Variants in STK10 observed in about 807,000 individuals in gnomAD.
STK10 encodes the protein serine/threonine kinase 10, also known as serine/threonine-protein kinase 10.
Under a neutral mutation model 113.8 loss-of-function variants are expected in STK10, and 78 were observed. The observed-to-expected ratio is 0.69, with a 90% CI of 0.57 to 0.83. STK10 has a LOEUF of 0.83. Ranked by LOEUF, STK10 falls within the 40% of genes least tolerant of loss-of-function variation. The pLI is 0.00. For missense variants in STK10, 1,109 were observed against 1,280.1 expected, an observed-to-expected ratio of 0.87 and a Z score of 2.04; for synonymous variants, 465 against 494.7, an observed-to-expected ratio of 0.94 and a Z score of 0.80.
chr5:172,140,749 G>A (rs1769956097), intron 2 of STK10, among the ~76,000 whole-genome samples: 1 of 151,954 alleles, frequency 6.6e-6, no homozygotes, highest in Non-Finnish European at 1.5e-5. Flanking sequence ...ATATGATCCA[G>A]CAATCCCACT....
intron 8 of STK10, among the ~76,000 whole-genome samples, chr5:172,094,674 G>A (rs1388871672): frequency 6.6e-5 from 10 of 152,058 alleles, no homozygotes; most frequent in African/African-American, 1.4e-4. Flanking sequence ...GTGTGCCACC[G>A]CACCCAGCCA....
chr5:172,143,449 G>A (rs919654555), intron 2 of STK10, among the ~76,000 whole-genome samples: 1 of 152,298 alleles, frequency 6.6e-6, no homozygotes, highest in South Asian at 2.1e-4. Context: ...TGACCACACC[G>A]TGCTCTGGGC....
intron 12 of STK10, among the ~76,000 whole-genome samples, chr5:172,079,473 A>G (rs1016714189): frequency 3.9e-5 from 6 of 152,180 alleles, no homozygotes; most frequent in Non-Finnish European, 7.4e-5. Flanking sequence ...TATTTGTTCA[A>G]TATTGGACTT....
Position 172,082,324 on chromosome 5 carries a change from A to C in STK10, c.1989+2T>G, listed in dbSNP as rs774084542. 4 of 1,542,046 alleles carry C rather than the reference A, an allele frequency of 2.6e-6. No individual in the cohort carries two copies. Among genetic ancestry groups the C allele is most frequent in the South Asian group, 1.2e-5 (1 of 81,286 alleles). On this transcript the variant is annotated splice_donor_variant, in intron 12 of 18. Coordinates refer to ENST00000176763, the MANE Select transcript of STK10 (RefSeq NM_005990.4). LOFTEE classifies it high-confidence loss of function. The surrounding 1 kb of genome is among the most constrained non-coding windows in gnomAD (Gnocchi z 4.3). The stretch of plus-strand genomic sequence containing the variant: ...CCCTGCCCCCACTGAGCACATACTC[A>C]CCTCTTTCTTCATCAGTTTGAGCTG...
Position 172,103,811 on chromosome 5 carries a change from T to C in STK10, c.870+1845A>G, listed in dbSNP as rs35498457. Among the ~76,000 whole-genome samples the C allele has an allele frequency of 6.4e-3, 969 of 152,322 alleles. 5 individuals are homozygous for C. Among genetic ancestry groups the C allele is most frequent in the Non-Finnish European group, 0.011 (768 of 68,022 alleles). On this transcript the variant is annotated intron_variant, in intron 7 of 18. Coordinates refer to ENST00000176763, the MANE Select transcript of STK10 (RefSeq NM_005990.4). ...TCAAGCATTCCTGGAGCACTGTGCT[T>C]AAGAGTTAAGCTAAGCGCTTCATAG...
chr5:172,067,422 C>T (rs1768093947), intron 12 of STK10, among the ~76,000 whole-genome samples: 1 of 150,154 alleles, frequency 6.7e-6, no homozygotes, highest in Non-Finnish European at 1.5e-5. Flanking sequence ...GAATAAAATG[C>T]CAAGGAAACA....
At chr5:172,079,647 C>T (rs143195348) in intron 12 of STK10, among the ~76,000 whole-genome samples, 2,088 of 152,116 alleles carry the variant, frequency 0.014, 46 homozygotes, top group African/African-American at 0.047. Context: ...CTGCAACCTC[C>T]GTCTCCTGGG....
intron 2 of STK10, among the ~76,000 whole-genome samples, chr5:172,134,127 G>T (rs987339698): frequency 3.9e-5 from 6 of 152,316 alleles, no homozygotes; most frequent in Non-Finnish European, 8.8e-5. Context: ...TGGACCCTGG[G>T]ACCACATCTG....
intron 10 of STK10, among the ~76,000 whole-genome samples, chr5:172,085,865 T>C (rs554091883): frequency 6.6e-6 from 1 of 152,232 alleles, no homozygotes; most frequent in South Asian, 2.1e-4. Context: ...GGCACCATGC[T>C]GATTCCCATG....
chr5:172,081,549 G>A (rs991595401), intron 12 of STK10, among the ~76,000 whole-genome samples: 4 of 152,064 alleles, frequency 2.6e-5, no homozygotes, highest in Admixed American at 2.6e-4. Context: ...TGTGCCTAAG[G>A]TGACTGCCTC....
At chr5:172,045,289 A>G (rs998422936) in intron 18 of STK10, 10 of 594,550 alleles carry the variant, frequency 1.7e-5, no homozygotes, top group Admixed American at 7.1e-5. Flanking sequence ...GGCAGGGAGG[A>G]AAAAAAAGCA....
Position 172,044,948 on chromosome 5 carries a change from G to A in STK10, c.2841C>T (p.Cys947=), listed in dbSNP as rs772592992. ...MFFKLSEEAE[C]PNPSTPSKAA... ...CCTTGCTTGGGGTGGAGGGGTTTGGGCACTCCGCCTCCTCGCTCAGCTTGA... is the reference window on the plus strand; with the variant it reads ...CCTTGCTTGGGGTGGAGGGGTTTGGACACTCCGCCTCCTCGCTCAGCTTGA... Residue 947 remains cysteine (C), a synonymous_variant, in exon 19 of 19, where the codon TGC becomes TGT. Coordinates refer to ENST00000176763, the MANE Select transcript of STK10 (RefSeq NM_005990.4). The surrounding 1 kb of genome is among the most constrained non-coding windows in gnomAD (Gnocchi z 4.5). 4 of 1,614,172 alleles carry A rather than the reference G, an allele frequency of 2.5e-6. No individual in the cohort carries two copies. Among genetic ancestry groups the A allele is most frequent in the Non-Finnish European group, 3.4e-6 (4 of 1,180,034 alleles).
At chr5:172,128,530 C>T (rs1292260244) in intron 2 of STK10, among the ~76,000 whole-genome samples, 1 of 152,162 alleles carries the variant, frequency 6.6e-6, no homozygotes, top group Non-Finnish European at 1.5e-5. Context: ...GGGGTTTCAC[C>T]ATGTTGGCCA....
rs1359679341 is a variant in STK10 at position 172,133,625 on chromosome 5, T to C, written c.322-6204A>G. On this transcript the variant is annotated intron_variant, in intron 2 of 18. Transcript: ENST00000176763. The surrounding 1 kb of genome is among the most constrained non-coding windows in gnomAD (Gnocchi z 4.9). ...ATTAGGAAGCACACAACTCTGATGGTTGCAGGAAACCATGTTGCAACCACG... is the reference window on the plus strand; with the variant it reads ...ATTAGGAAGCACACAACTCTGATGGCTGCAGGAAACCATGTTGCAACCACG... Among the ~76,000 whole-genome samples, 6 of 152,292 alleles carry C rather than the reference T, an allele frequency of 3.9e-5. No homozygotes were observed. In the East Asian group the frequency reaches 1.2e-3, roughly 29 times the overall value.
intron 5 of STK10, 116 bp downstream of exon 5, chr5:172,107,664 C>G (rs1272702842): frequency 1.7e-6 from 1 of 593,434 alleles, no homozygotes; most frequent in South Asian, 2.5e-5. Flanking sequence ...TAGTAAGCCA[C>G]GAGGCAGGGC....
intron 18 of STK10, among the ~76,000 whole-genome samples, chr5:172,051,494 A>G (rs556985338): frequency 1.3e-3 from 199 of 151,658 alleles, no homozygotes; most frequent in African/African-American, 4.3e-3. Flanking sequence ...GCATAGTGGC[A>G]TGTGCCTGTA....
rs1770986740 is a variant in STK10 at position 172,187,895 on chromosome 5, C to G, written c.148G>C (p.Val50Leu). 1 of 1,613,110 alleles carries G rather than the reference C, an allele frequency of 6.2e-7. No homozygotes were observed. The highest frequency in any genetic ancestry group is 1.3e-5 in the African/African-American group (1 of 74,908). The change falls in exon 1 of 19, where the codon GTT becomes CTT. Residue 50 changes from valine (V) to leucine (L), a missense_variant. Physicochemically the swap from Val to Leu is conservative, Grantham distance 32 (BLOSUM62 1). Around this residue, in one of 5 missense-constraint regions of STK10, gnomAD observed 120 missense variants for 134.8 expected, o/e 0.89. Transcript: ENST00000176763. The surrounding 1 kb of genome is among the most constrained non-coding windows in gnomAD (Gnocchi z 4.6). ...GELGDGAFGK[V>L]YKAKNKETGA... ...CACCTCAGCGCCCTCACCTTGTAAA[C>G]CTTGCCGAAGGCGCCGTCGCCCAGC...
chr5:172,093,678 C>T lies in STK10; in HGVS notation c.1288G>A (p.Val430Ile), dbSNP rs751600895. The change falls in exon 9 of 19, where the codon GTT (valine) becomes ATT (isoleucine). Residue 430 changes from valine to isoleucine, a missense_variant. Transcript: ENST00000176763. The surrounding 1 kb of genome is among the most constrained non-coding windows in gnomAD (Gnocchi z 4.1). ...ARIQVAQEKQ[V>I]AEQGGDLSPA... ...CTGAGGTCCCCACCCTGCTCAGCAA[C>T]TTGCTTCTCCTGGGCTACCTGAATT... 9.3e-6 allele frequency: 15 copies of T among 1,614,246 alleles called. No individual in the cohort carries two copies. In the South Asian group the frequency reaches 1.5e-4, roughly 17 times the overall value.
At chr5:172,096,721 G>A (rs1475696955) in intron 7 of STK10, among the ~76,000 whole-genome samples, 161 bp from the exon 8 acceptor site, 1 of 152,224 alleles carries the variant, frequency 6.6e-6, no homozygotes, top group African/African-American at 2.4e-5. Context: ...AAAGTCCCAA[G>A]TGTGTTGGAA....
Sources: gnomAD v4.1 joint callset for allele counts (sites outside exome capture counted in the v4.1 genomes callset) on GRCh38, gnomAD v4.1.1 for gene constraint, gnomAD v4.1.1 regional missense constraint, Gnocchi (gnomAD v3.1) non-coding constraint, MANE v1.5 for transcripts, NCBI Gene and HGNC (gene_info 2026-07-23, HGNC 2026-07-21) for gene names.